ZER1: variants seen among roughly 807,000 people sequenced by gnomAD.
ZER1 encodes the protein zyg-11 related cell cycle regulator, also known as protein zer-1 homolog.
In ZER1, 11 loss-of-function variants were observed where a neutral mutation model predicts 78.8. That is an observed-to-expected ratio of 0.14 (90% CI 0.09 to 0.23). The LOEUF is 0.23. Among genes scored for constraint, ZER1 ranks in the 10% least tolerant of loss-of-function variants. ZER1 has a pLI of 1.00. For synonymous variants in ZER1, 400 were observed against 407.0 expected (o/e 0.98, Z 0.21); for missense variants, 588 against 996.9 (o/e 0.59, Z 5.52).
chr9:128,735,868 C>T (rs1355930077), intron 13 of ZER1, among the ~76,000 whole-genome samples: 4 of 141,120 alleles, frequency 2.8e-5, no homozygotes, highest in Non-Finnish European at 6.0e-5. Context: ...ACCTCTGCCT[C>T]CTGGGTTCAA....
intron 14 of ZER1, among the ~76,000 whole-genome samples, chr9:128,734,530 C>T (rs1281302437): frequency 6.6e-6 from 1 of 151,020 alleles, no homozygotes; most frequent in South Asian, 2.1e-4. Flanking sequence ...GACAGGGTTG[C>T]GCTGTGTTGC....
intron 1 of ZER1, among the ~76,000 whole-genome samples, chr9:128,763,187 T>G (rs1259197270): frequency 6.6e-6 from 1 of 152,172 alleles, no homozygotes; most frequent in East Asian, 1.9e-4. Context: ...TCCATGTCCT[T>G]CCTCCAGGAA....
chr9:128,750,888 G>C, intron 7 of ZER1, 99 bp from the exon 8 acceptor site: 9 of 1,527,434 alleles, frequency 5.9e-6, no homozygotes, highest in Non-Finnish European at 8.0e-6. Flanking sequence ...GTTTAGCCTG[G>C]TCTTGCTCTC....
At chr9:128,762,718 G>A (rs150360511) in intron 1 of ZER1, among the ~76,000 whole-genome samples, 144 of 152,216 alleles carry the variant, frequency 9.5e-4, no homozygotes, top group Middle Eastern at 6.8e-3. Context: ...TGTGCTCCCC[G>A]GCCTGGGTCT....
intron 5 of ZER1, among the ~76,000 whole-genome samples, chr9:128,752,031 T>G (rs185827967): frequency 7.7e-4 from 117 of 152,348 alleles, no homozygotes; most frequent in African/African-American, 2.4e-3. Flanking sequence ...AGTTCCCCTG[T>G]CGCTCCTCAT....
chr9:128,752,600 C>T (rs957194759), intron 5 of ZER1, 73 bp downstream of exon 5: 11 of 1,478,644 alleles, frequency 7.4e-6, no homozygotes, highest in South Asian at 4.1e-5. Context: ...GGATTACAGG[C>T]GTGAGCCACT....
chr9:128,772,095 C>G (rs1180652951), upstream of ZER1, among the ~76,000 whole-genome samples: 3 of 152,054 alleles, frequency 2.0e-5, no homozygotes, highest in Middle Eastern at 3.2e-3. Context: ...GGGATGCCCC[C>G]CCCAGGCCAC....
At chr9:128,733,797 A>ATT (rs1378603556) in intron 14 of ZER1, among the ~76,000 whole-genome samples, 4 of 145,038 alleles carry the variant, frequency 2.8e-5, no homozygotes, top group Non-Finnish European at 4.5e-5. Context: ...TTAAAAAAAA[A>ATT]TTATATATAT....
In ZER1 at chr9:128,754,690, C is replaced by CTT. The variant is rs113763873; in HGVS notation, c.158+716_158+717dup. ...TAATTTCCCTTCTGGGAATCTTTTT[C>CTT]TTTTTTTTTTTTTGGTAGAGACAAG... On this transcript the variant is annotated intron_variant, in intron 2 of 15. Coordinates refer to ENST00000291900, the MANE Select transcript of ZER1 (RefSeq NM_006336.4). The surrounding 1 kb of genome is among the most constrained non-coding windows in gnomAD (Gnocchi z 4.3). Among the ~76,000 whole-genome samples the CTT allele has an allele frequency of 1.4e-5, 2 of 144,496 alleles. No homozygotes were observed. The highest frequency in any genetic ancestry group is 2.5e-5 in the African/African-American group (1 of 39,554). The allele number at this position is 144,496 out of a possible 152,430, so 94.8% of individuals were successfully genotyped here. A position where few individuals can be genotyped will look rare whatever the true frequency, so the allele number is the denominator to read the frequency against.
At chr9:128,759,369 G>T (rs1863969336) in intron 1 of ZER1, among the ~76,000 whole-genome samples, 2 of 150,114 alleles carry the variant, frequency 1.3e-5, no homozygotes, top group South Asian at 4.2e-4. Context: ...TAGAGATGGG[G>T]TTTCATCATG....
rs1564405720 is a variant in ZER1 at position 128,755,822 on chromosome 9, G to A, written c.-94-163C>T. The stretch of plus-strand genomic sequence containing the variant: ...ACTCCTTCTTTCACCCGCCTCTGCT[G>A]TGCCACTATCTATGCACAATTTGAC... On this transcript the variant is annotated intron_variant, in intron 1 of 15. Transcript: ENST00000291900. This position sits in a 1 kb window ranked among gnomAD's most constrained non-coding sequence, Gnocchi z 5.6. Among the ~76,000 whole-genome samples the A allele has an allele frequency of 6.6e-6, 1 of 152,214 alleles. No homozygotes were observed. The highest frequency in any genetic ancestry group is 1.5e-5 in the Non-Finnish European group (1 of 68,032).
chr9:128,731,209 C>CA lies in ZER1; in HGVS notation c.*127dup. On this transcript the variant is annotated 3_prime_UTR_variant, in exon 16 of 16. Coordinates refer to ENST00000291900, the MANE Select transcript of ZER1 (RefSeq NM_006336.4). Reference sequence around the variant, plus strand: ...ACATTAAGGAAAAGCGTCGGTTGTGCAAAAGTCCCCCATGTCTCTTCACTC... The same window carrying CA: ...ACATTAAGGAAAAGCGTCGGTTGTGCAAAAAGTCCCCCATGTCTCTTCACTC... The CA allele has an allele frequency of 1.6e-6, 1 of 640,298 alleles. No individual in the cohort carries two copies. The highest frequency in any genetic ancestry group is 2.4e-5 in the South Asian group (1 of 41,214). The allele number at this position is 640,298 out of a possible 1,614,324, so 39.7% of individuals were successfully genotyped here.
chr9:128,768,932 T>C (rs187211717), intron 1 of ZER1, among the ~76,000 whole-genome samples: 1 of 152,292 alleles, frequency 6.6e-6, no homozygotes, highest in Admixed American at 6.5e-5. Flanking sequence ...GAATGGAAAT[T>C]TGCTGGGCTC....
intron 8 of ZER1, among the ~76,000 whole-genome samples, 182 bp from the exon 9 acceptor site, chr9:128,742,927 A>G (rs1863353173): frequency 6.6e-6 from 1 of 152,244 alleles, no homozygotes. Flanking sequence ...ATATTCATAC[A>G]GAAGAATGCA....
At chr9:128,746,458 CTTT>C (rs759531558) in intron 8 of ZER1, among the ~76,000 whole-genome samples, 8 of 129,288 alleles carry the variant, frequency 6.2e-5, no homozygotes, top group Non-Finnish European at 6.7e-5. Flanking sequence ...TCTTCTTTTC[CTTT>C]TTTTTTTTTT....
At chr9:128,736,366 G>T (rs1053289419) in intron 13 of ZER1, among the ~76,000 whole-genome samples, 1 of 151,600 alleles carries the variant, frequency 6.6e-6, no homozygotes, top group Non-Finnish European at 1.5e-5. Context: ...GATTATAGGC[G>T]TGAACCACCA....
At chr9:128,766,845 CAAAA>C (rs1176953959) in intron 1 of ZER1, among the ~76,000 whole-genome samples, 1 of 49,650 alleles carries the variant, frequency 2.0e-5, no homozygotes. Context: ...GATTCCGTCT[CAAAA>C]AAAAAAAAAA....
In ZER1 at chr9:128,755,434, G is replaced by T. The variant is rs571827293; in HGVS notation, c.132C>A (p.Ser44Arg). Residue 44 changes from serine (S) to arginine (R), a missense_variant, in exon 2 of 16, where the codon AGC (serine) becomes AGA (arginine). This residue lies in a region of ZER1 where 406 missense variants were observed against 660.1 expected (regional missense o/e 0.62). Transcript: ENST00000291900. This position sits in a 1 kb window ranked among gnomAD's most constrained non-coding sequence, Gnocchi z 5.6. Reference protein sequence around the residue: ...LRLHPDIFLPSEICDRLVNEY... With the variant: ...LRLHPDIFLPREICDRLVNEY... ...CATTGACGAGCCGGTCACAGATCTC[G>T]CTGGGCAAGAAGATGTCCGGATGTA... is the stretch of plus-strand genomic sequence containing the variant. The T allele has an allele frequency of 1.2e-6, 2 of 1,613,966 alleles. No homozygotes were observed. Among genetic ancestry groups the T allele is most frequent in the South Asian group, 1.1e-5 (1 of 91,076 alleles).
intron 14 of ZER1, among the ~76,000 whole-genome samples, chr9:128,734,144 A>AAAATATATATATATATATAT: frequency 1.4e-4 from 2 of 14,446 alleles, no homozygotes; most frequent in African/African-American, 3.7e-4. Flanking sequence ...AAAAAAAAAA[A>AAAATATATATATATATATAT]ATATATATAT....
Sources: allele counts gnomAD v4.1 joint callset (sites outside exome capture counted in the v4.1 genomes callset), GRCh38; gene constraint gnomAD v4.1.1; regional missense constraint gnomAD v4.1.1; non-coding constraint Gnocchi (gnomAD v3.1); transcripts MANE v1.5; gene names NCBI Gene and HGNC (gene_info 2026-07-23, HGNC 2026-07-21).